The following SIPA1L1 variants were observed in gnomAD, a reference collection of about 807,000 sequenced individuals.
SIPA1L1 encodes the protein signal-induced proliferation-associated 1-like protein 1.
A neutral mutation model predicts 162.7 loss-of-function variants in SIPA1L1; 26 were observed. That is an observed-to-expected ratio of 0.16 (90% CI 0.12 to 0.22). The LOEUF is 0.22. SIPA1L1 is among the 10% of genes least tolerant of loss of function. SIPA1L1 has a pLI of 1.00. For synonymous variants in SIPA1L1, 829 were observed against 837.4 expected (o/e 0.99, Z 0.17); for missense variants, 1,874 against 2,241.0 (o/e 0.84, Z 3.31).
chr14:71,326,622 G>C (rs1290375081), intron 2 of SIPA1L1, among the ~76,000 whole-genome samples: 1 of 151,840 alleles, frequency 6.6e-6, no homozygotes, highest in Non-Finnish European at 1.5e-5. Context: ...ACTTGACTAT[G>C]GTCAGTGTCT....
chr14:71,348,784 G>A (rs1360796448), intron 2 of SIPA1L1, among the ~76,000 whole-genome samples: 3 of 152,206 alleles, frequency 2.0e-5, no homozygotes, highest in African/African-American at 4.8e-5. Context: ...TGGTAGGAAA[G>A]TATTTTTCAG....
At chr14:71,325,707 T>C (rs1222692763) in intron 2 of SIPA1L1, among the ~76,000 whole-genome samples, 3 of 152,186 alleles carry the variant, frequency 2.0e-5, no homozygotes, top group Non-Finnish European at 4.4e-5. Flanking sequence ...TAGTAGTGCA[T>C]TGGTGGGTGT....
At chr14:71,360,993 A>G (rs920850725) in intron 2 of SIPA1L1, among the ~76,000 whole-genome samples, 4 of 152,012 alleles carry the variant, frequency 2.6e-5, no homozygotes, top group African/African-American at 4.8e-5. Flanking sequence ...GAAAAGAGAG[A>G]TGATTTGTAT....
intron 2 of SIPA1L1, among the ~76,000 whole-genome samples, chr14:71,408,478 A>G (rs573318879): frequency 1.3e-5 from 2 of 152,310 alleles, no homozygotes; most frequent in East Asian, 1.9e-4. Flanking sequence ...ACAACGAGTA[A>G]TAAGATTTTC....
At chr14:71,389,573 C>T (rs932598994) in intron 2 of SIPA1L1, among the ~76,000 whole-genome samples, 6 of 152,206 alleles carry the variant, frequency 3.9e-5, no homozygotes, top group Non-Finnish European at 8.8e-5. Context: ...TAGAAAGGCA[C>T]TTTAATCTCC....
intron 2 of SIPA1L1, among the ~76,000 whole-genome samples, chr14:71,500,159 T>A (rs2050092896): frequency 6.6e-6 from 1 of 152,144 alleles, no homozygotes; most frequent in South Asian, 2.1e-4. Context: ...AAATTAAGAA[T>A]TTCTCTTCAA....
intron 2 of SIPA1L1, among the ~76,000 whole-genome samples, chr14:71,394,308 T>G (rs1322079227): frequency 6.6e-6 from 1 of 152,246 alleles, no homozygotes; most frequent in Non-Finnish European, 1.5e-5. Flanking sequence ...TATACAGCAT[T>G]AATTTCCAAA....
At chr14:71,513,606 C>G (rs945981044) in intron 3 of SIPA1L1, among the ~76,000 whole-genome samples, 1 of 152,102 alleles carries the variant, frequency 6.6e-6, no homozygotes, top group Admixed American at 6.5e-5. Context: ...ATTCTCCTAC[C>G]TCAGCCTCCC....
chr14:71,670,969 A>C (rs541189729), intron 10 of SIPA1L1, 150 bp from the exon 11 acceptor site: 1 of 683,604 alleles, frequency 1.5e-6, no homozygotes. Flanking sequence ...ATATACTCGT[A>C]TTAAGCAGAA....
chr14:71,432,983 T>A (rs574897802), intron 2 of SIPA1L1, among the ~76,000 whole-genome samples: 10 of 152,320 alleles, frequency 6.6e-5, no homozygotes, highest in African/African-American at 2.4e-4. Flanking sequence ...ATGAAAGGAT[T>A]ATAAGATCTT....
chr14:71,560,411 A>G (rs2056695282), intron 4 of SIPA1L1, among the ~76,000 whole-genome samples: 1 of 152,174 alleles, frequency 6.6e-6, no homozygotes, highest in African/African-American at 2.4e-5. Flanking sequence ...GAATGATAAG[A>G]TGGCTGTTGC....
In SIPA1L1 at chr14:71,724,777, A is replaced by T. The variant is rs745986989; in HGVS notation, c.4556A>T (p.Asp1519Val). Residue 1519 changes from aspartate to valine, a missense_variant, in exon 19 of 24, where the codon GAT becomes GTT. Asp to Val is a radical substitution (Grantham distance 152). Around this residue, in one of 5 missense-constraint regions of SIPA1L1, gnomAD observed 936 missense variants for 1,051.9 expected, o/e 0.89. Transcript: ENST00000381232. ...ACCTCCAAGTCCACCATTGAAGAAG[A>T]TCTAAAGAAACTAATTGATCTTGAA... ...KPTSKSTIEE[D>V]LKKLIDLESP... is the part of the protein sequence containing the mutation. The T allele has an allele frequency of 1.8e-5, 29 of 1,614,184 alleles. No individual in the cohort carries two copies. The highest frequency in any genetic ancestry group is 2.5e-5 in the Non-Finnish European group (29 of 1,180,026).
chr14:71,488,092 G>T (rs2048919087), intron 2 of SIPA1L1, among the ~76,000 whole-genome samples: 1 of 152,164 alleles, frequency 6.6e-6, no homozygotes, highest in Admixed American at 6.5e-5. Flanking sequence ...CAGATATCTA[G>T]AAAAGGAGAT....
intron 2 of SIPA1L1, among the ~76,000 whole-genome samples, chr14:71,429,258 A>T (rs891300342): frequency 6.6e-6 from 1 of 152,084 alleles, no homozygotes. Flanking sequence ...TTTCCTCCCC[A>T]CTTCCCTCGT....
intron 4 of SIPA1L1, among the ~76,000 whole-genome samples, chr14:71,554,271 C>T (rs577982018): frequency 2.0e-5 from 3 of 152,052 alleles, no homozygotes; most frequent in Non-Finnish European, 4.4e-5. Context: ...TTAGATTCCT[C>T]ATTTCTTTTT....
At chr14:71,524,749 A>G (rs1159075006) in intron 3 of SIPA1L1, among the ~76,000 whole-genome samples, 1 of 152,046 alleles carries the variant, frequency 6.6e-6, no homozygotes, top group Non-Finnish European at 1.5e-5. Context: ...GCACCTGGCC[A>G]CATCTCAGTT....
At chr14:71,407,337 AC>A (rs2042093594) in intron 2 of SIPA1L1, among the ~76,000 whole-genome samples, 2 of 152,286 alleles carry the variant, frequency 1.3e-5, no homozygotes, top group South Asian at 4.1e-4. Context: ...GCTTTGATAT[AC>A]TGTAGACAGT....
intron 4 of SIPA1L1, among the ~76,000 whole-genome samples, chr14:71,579,207 G>T (rs1276031868): frequency 6.6e-6 from 1 of 152,100 alleles, no homozygotes; most frequent in Non-Finnish European, 1.5e-5. Context: ...GTAGATTTAT[G>T]TATTTTCTAT....
chr14:71,594,974 G>A (rs1381541360), intron 5 of SIPA1L1, among the ~76,000 whole-genome samples: 1 of 152,128 alleles, frequency 6.6e-6, no homozygotes, highest in Non-Finnish European at 1.5e-5. Context: ...GGAAAGCAGA[G>A]GTCCTCTCTT....
Sources: gnomAD v4.1 joint callset for allele counts (sites outside exome capture counted in the v4.1 genomes callset) on GRCh38, gnomAD v4.1.1 for gene constraint, gnomAD v4.1.1 regional missense constraint, MANE v1.5 for transcripts, NCBI Gene and HGNC (gene_info 2026-07-23, HGNC 2026-07-21) for gene names.